The following THSD7A variants were observed in gnomAD, a reference collection of about 807,000 sequenced individuals.
THSD7A encodes the protein thrombospondin type 1 domain containing 7A.
In THSD7A, 96 loss-of-function variants were observed where a neutral mutation model predicts 231.3. The ratio of observed to expected loss-of-function variants is 0.41; its 90% CI spans 0.35 to 0.49. The LOEUF is 0.49. Ranked by LOEUF, THSD7A falls within the 20% of genes least tolerant of loss-of-function variation. The pLI is 0.05. For missense variants in THSD7A, 2,290 were observed against 2,070.2 expected (o/e 1.11, Z -2.06); for synonymous variants, 940 against 743.3 (o/e 1.26, Z -4.30).
chr7:11,613,107 G>A (rs1195205635), intron 2 of THSD7A, among the ~76,000 whole-genome samples: 3 of 152,206 alleles, frequency 2.0e-5, no homozygotes, highest in Non-Finnish European at 4.4e-5. Context: ...TTGAGTGTTA[G>A]AGGTGGGAAA....
At chr7:11,716,319 T>A (rs1254667225) in intron 1 of THSD7A, among the ~76,000 whole-genome samples, 3 of 151,490 alleles carry the variant, frequency 2.0e-5, no homozygotes, top group Admixed American at 1.3e-4. Context: ...TCATATCTGG[T>A]GAGCACATAG....
intron 11 of THSD7A, 33 bp downstream of exon 11, chr7:11,460,621 AGCGATGCT>A: frequency 1.3e-6 from 2 of 1,512,094 alleles, no homozygotes; most frequent in Non-Finnish European, 1.8e-6. Context: ...TAGTTAAACT[AGCGATGCT>A]GGAGAAATGA....
intron 7 of THSD7A, among the ~76,000 whole-genome samples, chr7:11,476,316 GAT>G (rs1786173930): frequency 9.5e-6 from 1 of 105,158 alleles, no homozygotes; most frequent in Non-Finnish European, 1.9e-5. Flanking sequence ...GCCTCTGGAA[GAT>G]ACACACACAC....
At chr7:11,494,390 A>G (rs1034926270) in intron 6 of THSD7A, among the ~76,000 whole-genome samples, 3 of 152,046 alleles carry the variant, frequency 2.0e-5, no homozygotes, top group African/African-American at 7.2e-5. Flanking sequence ...GACCACAAAA[A>G]TCCCCAAATG....
chr7:11,758,453 G>C (rs145604696), intron 1 of THSD7A, among the ~76,000 whole-genome samples: 58 of 152,166 alleles, frequency 3.8e-4, no homozygotes, highest in Non-Finnish European at 6.0e-4. Flanking sequence ...GCTGAAATCT[G>C]CATTTGCCAG....
chr7:11,680,734 T>A (rs1048514504), intron 1 of THSD7A, among the ~76,000 whole-genome samples: 1 of 152,088 alleles, frequency 6.6e-6, no homozygotes, highest in East Asian at 1.9e-4. Flanking sequence ...GAAATAAGAA[T>A]GCTTTTACAG....
At chr7:11,547,355 A>G (rs141425513) in intron 4 of THSD7A, among the ~76,000 whole-genome samples, 328 of 152,334 alleles carry the variant, frequency 2.2e-3, no homozygotes, top group African/African-American at 7.7e-3. Flanking sequence ...GCACAGAGTG[A>G]TAAGTTGGAT....
intron 23 of THSD7A, 73 bp downstream of exon 23, chr7:11,401,722 A>C (rs1173967362): frequency 2.1e-6 from 3 of 1,440,478 alleles, no homozygotes; most frequent in Non-Finnish European, 2.8e-6. Flanking sequence ...AACTTTGTTT[A>C]TTTTTAACAG....
intron 6 of THSD7A, among the ~76,000 whole-genome samples, chr7:11,523,145 C>G (rs1016623842): frequency 2.6e-5 from 4 of 151,996 alleles, no homozygotes; most frequent in Non-Finnish European, 1.5e-5. Flanking sequence ...TGCTTTTGTA[C>G]TTTGGTGAAT....
chr7:11,755,235 G>GA (rs1343490954), intron 1 of THSD7A, among the ~76,000 whole-genome samples: 1 of 152,022 alleles, frequency 6.6e-6, no homozygotes, highest in African/African-American at 2.4e-5. Flanking sequence ...TGCCAAAATT[G>GA]AGAAACCCTC....
intron 1 of THSD7A, among the ~76,000 whole-genome samples, chr7:11,727,309 C>G (rs1781581270): frequency 6.6e-6 from 1 of 151,842 alleles, no homozygotes; most frequent in African/African-American, 2.4e-5. Context: ...CTTGTTTGCT[C>G]TCTTGTTCTT....
chr7:11,717,005 C>A (rs187515451), intron 1 of THSD7A, among the ~76,000 whole-genome samples: 2 of 151,756 alleles, frequency 1.3e-5, no homozygotes, highest in African/African-American at 2.4e-5. Context: ...CTCCTCAAAT[C>A]TCTTCCTTCT....
Position 11,708,093 on chromosome 7 carries a change from T to C in THSD7A, c.191-71132A>G, listed in dbSNP as rs1483127411. ...GCATCCTGGCTTCTCTCCCTACTCA[T>C]GCGTTATTAATCTTCAAAATACCCA... On this transcript the variant is annotated intron_variant, in intron 1 of 27. Transcript: ENST00000423059. 2.0e-5 allele frequency among the ~76,000 whole-genome samples: 3 copies of C among 150,858 alleles called. No homozygotes were observed. The East Asian group carries it at 5.9e-4, about 30-fold the overall frequency.
intron 1 of THSD7A, among the ~76,000 whole-genome samples, chr7:11,751,853 G>A (rs773170069): frequency 1.4e-4 from 21 of 151,912 alleles, no homozygotes; most frequent in African/African-American, 3.4e-4. Context: ...GAAATGGGTC[G>A]GGACTGTCCC....
chr7:11,579,325 C>G (rs1791055527), intron 4 of THSD7A, among the ~76,000 whole-genome samples: 1 of 152,162 alleles, frequency 6.6e-6, no homozygotes, highest in African/African-American at 2.4e-5. Flanking sequence ...CCAGCCCTAG[C>G]CACAAACCAT....
intron 11 of THSD7A, among the ~76,000 whole-genome samples, chr7:11,451,959 G>A (rs141980539): frequency 6.6e-6 from 1 of 152,090 alleles, no homozygotes; most frequent in Non-Finnish European, 1.5e-5. Context: ...GAAATAAATT[G>A]CCTGATCCAA....
At chr7:11,572,883 T>C (rs1026178300) in intron 4 of THSD7A, among the ~76,000 whole-genome samples, 2 of 152,166 alleles carry the variant, frequency 1.3e-5, no homozygotes, top group Non-Finnish European at 2.9e-5. Flanking sequence ...TTCTCCTTTT[T>C]TCATGTGTAG....
chr7:11,421,104 T>A (rs78161012), intron 16 of THSD7A, among the ~76,000 whole-genome samples: 12,985 of 152,204 alleles, frequency 0.085, 548 homozygotes, highest in Admixed American at 0.092. Flanking sequence ...GTTAAGGCTT[T>A]GGGAGACTGT....
intron 13 of THSD7A, among the ~76,000 whole-genome samples, chr7:11,443,438 T>A (rs2128293683): frequency 6.6e-6 from 1 of 152,158 alleles, no homozygotes; most frequent in Non-Finnish European, 1.5e-5. Context: ...CTCTTTGAGA[T>A]GTTTCTCAAA....
Sources: gnomAD v4.1 joint callset for allele counts (sites outside exome capture counted in the v4.1 genomes callset) on GRCh38, gnomAD v4.1.1 for gene constraint, MANE v1.5 for transcripts, NCBI Gene and HGNC (gene_info 2026-07-23, HGNC 2026-07-21) for gene names.